The following SDK1 variants were observed in gnomAD, a reference collection of about 807,000 sequenced individuals.
SDK1 encodes the protein protein sidekick-1.
In SDK1, 157 loss-of-function variants were observed where a neutral mutation model predicts 245.5. The ratio of observed to expected loss-of-function variants is 0.64; its 90% CI spans 0.56 to 0.73. The LOEUF is 0.73. Among genes scored for constraint, SDK1 ranks in the 30% least tolerant of loss-of-function variants. The pLI is 0.00. For synonymous variants in SDK1, 1,647 were observed against 1,278.5 expected (o/e 1.29, Z -6.15); for missense variants, 3,583 against 3,002.3 (o/e 1.19, Z -4.52).
intron 1 of SDK1, among the ~76,000 whole-genome samples, chr7:3,345,601 G>A (rs1043515839): frequency 2.0e-5 from 3 of 151,900 alleles, no homozygotes; most frequent in Non-Finnish European, 4.4e-5. Flanking sequence ...TTTGAAGATG[G>A]GAGTATAGTA....
chr7:4,113,484 G>A (rs1265561376), intron 24 of SDK1, 45 bp downstream of exon 24: 22 of 1,604,408 alleles, frequency 1.4e-5, no homozygotes, highest in Non-Finnish European at 1.9e-5. Context: ...CGGGTCCTGA[G>A]TGAGCCAGGG....
At chr7:4,255,523 G>T (rs1286935278) in intron 44 of SDK1, among the ~76,000 whole-genome samples, 1 of 152,126 alleles carries the variant, frequency 6.6e-6, no homozygotes, top group Non-Finnish European at 1.5e-5. Flanking sequence ...GGGAGCACTC[G>T]GGGCCCAGTA....
intron 1 of SDK1, among the ~76,000 whole-genome samples, chr7:3,597,761 T>G (rs1331241835): frequency 6.6e-6 from 1 of 152,208 alleles, no homozygotes; most frequent in Middle Eastern, 3.2e-3. Flanking sequence ...CAGACAGTTT[T>G]GTTTTTGACT....
chr7:3,476,777 A>T (rs1399000303), intron 1 of SDK1, among the ~76,000 whole-genome samples: 3 of 152,206 alleles, frequency 2.0e-5, no homozygotes, highest in Non-Finnish European at 4.4e-5. Context: ...AGGCCCAGCG[A>T]TTGACCCTAG....
chr7:3,731,982 G>GGGTTTCACCAC (rs1779192099), intron 4 of SDK1, among the ~76,000 whole-genome samples: 1 of 152,100 alleles, frequency 6.6e-6, no homozygotes, highest in South Asian at 2.1e-4. Flanking sequence ...AGTAGAGATG[G>GGGTTTCACCAC]GGTTTCACCG....
chr7:3,577,849 T>G (rs570843194), intron 1 of SDK1, among the ~76,000 whole-genome samples: 1 of 152,138 alleles, frequency 6.6e-6, no homozygotes, highest in South Asian at 2.1e-4. Context: ...TCTCCTGCAT[T>G]GCCTGGCAGC....
chr7:3,800,370 C>CTTACTTACTTATTTAT (rs1554263702), intron 4 of SDK1, among the ~76,000 whole-genome samples: 13 of 148,886 alleles, frequency 8.7e-5, no homozygotes, highest in African/African-American at 3.0e-4. Context: ...TACTTACTTA[C>CTTACTTACTTATTTAT]TTATTTATTT....
chr7:3,566,168 T>TA (rs1779909907), intron 1 of SDK1, among the ~76,000 whole-genome samples: 1 of 151,900 alleles, frequency 6.6e-6, no homozygotes, highest in South Asian at 2.1e-4. Flanking sequence ...ACAAAATATT[T>TA]AAAATTAAAC....
chr7:3,646,804 G>C (rs1361807857), intron 4 of SDK1, among the ~76,000 whole-genome samples: 1 of 152,160 alleles, frequency 6.6e-6, no homozygotes, highest in Non-Finnish European at 1.5e-5. Context: ...TGAAAGTAGA[G>C]ACAATCTACA....
chr7:4,219,332 CT>C (rs1785008101), intron 38 of SDK1, among the ~76,000 whole-genome samples: 1 of 152,090 alleles, frequency 6.6e-6, no homozygotes. Flanking sequence ...TCTCACACTG[CT>C]AATAAAGACA....
chr7:3,612,273 C>T (rs901547331), intron 1 of SDK1, among the ~76,000 whole-genome samples: 1 of 152,196 alleles, frequency 6.6e-6, no homozygotes, highest in African/African-American at 2.4e-5. Flanking sequence ...ATAGGATCCT[C>T]TTACAGCATC....
chr7:3,746,091 A>G (rs1779609048), intron 4 of SDK1, among the ~76,000 whole-genome samples: 1 of 152,182 alleles, frequency 6.6e-6, no homozygotes, highest in African/African-American at 2.4e-5. Flanking sequence ...CCTCTAAGAT[A>G]TTGTGGGTTT....
Position 3,859,943 on chromosome 7 carries a change from G to A in SDK1, c.847+38360G>A, listed in dbSNP as rs142358137. On this transcript the variant is annotated intron_variant, in intron 5 of 44. Coordinates refer to ENST00000404826, the MANE Select transcript of SDK1 (RefSeq NM_152744.4). ...TAGAAATTTTTTTTTTTTTTGAGACGGAGTCTTACTCTGTCGCCCAGGCTA... is the reference window on the plus strand; with the variant it reads ...TAGAAATTTTTTTTTTTTTTGAGACAGAGTCTTACTCTGTCGCCCAGGCTA... 6.7e-3 allele frequency among the ~76,000 whole-genome samples: 1,009 copies of A among 150,168 alleles called. 10 individuals carry two copies. Among genetic ancestry groups the A allele is most frequent in the African/African-American group, 0.023 (943 of 40,686 alleles).
chr7:3,986,682 G>A (rs1244714609), intron 13 of SDK1, among the ~76,000 whole-genome samples: 1 of 152,040 alleles, frequency 6.6e-6, no homozygotes, highest in Non-Finnish European at 1.5e-5. Flanking sequence ...AAGATGGTGT[G>A]AAACCCCATC....
chr7:4,254,856 C>T (rs1021603194), intron 44 of SDK1, among the ~76,000 whole-genome samples: 1 of 152,200 alleles, frequency 6.6e-6, no homozygotes, highest in Non-Finnish European at 1.5e-5. Context: ...TTGGGCAATG[C>T]ATAGAGTCTT....
intron 4 of SDK1, among the ~76,000 whole-genome samples, chr7:3,732,524 C>G (rs1166141878): frequency 6.6e-6 from 1 of 152,186 alleles, no homozygotes; most frequent in Non-Finnish European, 1.5e-5. Flanking sequence ...CTAGTTATTT[C>G]TTTCACATAT....
intron 19 of SDK1, among the ~76,000 whole-genome samples, chr7:4,063,283 A>C (rs1779655405): frequency 6.6e-6 from 1 of 152,236 alleles, no homozygotes; most frequent in Non-Finnish European, 1.5e-5. Flanking sequence ...CACAAAAATC[A>C]GTAGCATTTC....
chr7:4,070,904 G>T (rs1406623133), intron 20 of SDK1, among the ~76,000 whole-genome samples: 2 of 151,016 alleles, frequency 1.3e-5, no homozygotes, highest in Non-Finnish European at 1.5e-5. Flanking sequence ...GAAGGCGGGG[G>T]TTTCACCATG....
Position 4,021,310 on chromosome 7 carries a change from C to T in SDK1, c.2602+3958C>T, listed in dbSNP as rs553493037. ...GGGTACTGGGCGTGCTTTGAAGAGT[C>T]CTCAGTCAGCACCCAGAGGAACGGG... On this transcript the variant is annotated intron_variant, in intron 17 of 44. Coordinates refer to ENST00000404826, the MANE Select transcript of SDK1 (RefSeq NM_152744.4). Among the ~76,000 whole-genome samples the T allele has an allele frequency of 2.0e-5, 3 of 152,278 alleles. No homozygotes were observed. The South Asian group carries it at 6.2e-4, about 32-fold the overall frequency.
Sources: allele counts gnomAD v4.1 joint callset (sites outside exome capture counted in the v4.1 genomes callset), GRCh38; gene constraint gnomAD v4.1.1; transcripts MANE v1.5; gene names NCBI Gene and HGNC (gene_info 2026-07-23, HGNC 2026-07-21).